FZD8: variants seen among roughly 807,000 people sequenced by gnomAD.
FZD8 encodes frizzled-8.
A neutral mutation model predicts 46.0 loss-of-function variants in FZD8; 18 were observed. That is an observed-to-expected ratio of 0.39 (90% CI 0.27 to 0.58). The LOEUF is 0.58. Ranked by LOEUF, FZD8 falls within the 20% of genes least tolerant of loss-of-function variation. The probability of loss-of-function intolerance (pLI) is 0.55; values close to 1 mark genes in which losing one functional copy is unlikely to be tolerated. For missense variants in FZD8, 785 were observed against 983.4 expected, an observed-to-expected ratio of 0.80 and a Z score of 2.70; for synonymous variants, 586 against 467.9, an observed-to-expected ratio of 1.25 and a Z score of -3.26.
rs1202785994 is a variant in FZD8 at position 35,639,479 on chromosome 10, CCCCGCCGCCGCCGCCCCCCGG to C, written c.1930_1950del (p.Pro644_Gly650del). On this transcript the variant is annotated inframe_deletion, in exon 1 of 1. Transcript: ENST00000374694. ...CCCGGCCCCCCGCCGCCGCCGGGTC[CCCCGCCGCCGCCGCCCCCCGG>C]CCCGCCGCCACCCCCCGCGGCCGTG... is the stretch of plus-strand genomic sequence containing the variant. 12 of 980,832 alleles carry C rather than the reference CCCCGCCGCCGCCGCCCCCCGG, an allele frequency of 1.2e-5. No individual in the cohort carries two copies. Among genetic ancestry groups the C allele is most frequent in the Middle Eastern group, 5.1e-4 (1 of 1,952 alleles). The allele number at this position is 980,832 out of a possible 1,614,324, so 60.8% of individuals were successfully genotyped here. A position where few individuals can be genotyped will look rare whatever the true frequency, so the allele number is the denominator to read the frequency against.
Position 35,639,314 on chromosome 10 carries a change from C to A in FZD8, c.*31G>T, listed in dbSNP as rs775182871. On this transcript the variant is annotated 3_prime_UTR_variant, in exon 1 of 1. Transcript: ENST00000374694. ...CACTTGGCTCTCCTCGCCCCCCTCC[C>A]CACCCCTCCTGGGCGCCCCCTCCCC... 3 of 987,876 alleles carry A rather than the reference C, an allele frequency of 3.0e-6. No individual in the cohort carries two copies. The highest frequency in any genetic ancestry group is 4.3e-6 in the Non-Finnish European group (3 of 702,254). The allele number at this position is 987,876 out of a possible 1,614,324, so 61.2% of individuals were successfully genotyped here.
At position 35,641,254 on chromosome 10, in the gene FZD8, T is replaced by C. The variant is rs2135501601; in HGVS notation, c.176A>G (p.His59Arg). The change falls in exon 1 of 1, where the codon CAC (histidine) becomes CGC (arginine). Residue 59 changes from histidine (H) to arginine (R), a missense_variant. His to Arg is a conservative substitution (Grantham distance 29). This residue lies in a region of FZD8 where 354 missense variants were observed against 433.2 expected (regional missense o/e 0.82). Transcript: ENST00000374694. This position sits in a 1 kb window ranked among gnomAD's most constrained non-coding sequence, Gnocchi z 6.3. ...CAGGCCCGCCTCGTCTTGCGTGTCG[T>C]GGTTGAACTGATTGGGCATGTAGGT... ...NYTYMPNQFN[H>R]DTQDEAGLEV... 6.2e-7 allele frequency: 1 copy of C among 1,613,978 alleles called. No individual in the cohort carries two copies. Among genetic ancestry groups the C allele is most frequent in the East Asian group, 2.2e-5 (1 of 44,814 alleles).
At position 35,641,135 on chromosome 10, in the gene FZD8, C is replaced by G. The variant is rs547818608; in HGVS notation, c.295G>C (p.Asp99His). 3 of 1,613,186 alleles carry G rather than the reference C, an allele frequency of 1.9e-6. No individual in the cohort carries two copies. The highest frequency in any genetic ancestry group is 2.5e-6 in the Non-Finnish European group (3 of 1,179,822). Reference sequence around the variant, plus strand: ...CAGGGCGGCAGCGGCTTCTTGTAGTCCTCTAGGCAGATGGGCGTGTACATG... The same window carrying G: ...CAGGGCGGCAGCGGCTTCTTGTAGTGCTCTAGGCAGATGGGCGTGTACATG... Reference protein sequence around the residue: ...CSMYTPICLEDYKKPLPPCRS... With the variant: ...CSMYTPICLEHYKKPLPPCRS... The change falls in exon 1 of 1, where the codon GAC becomes CAC. Residue 99 changes from aspartate (D) to histidine (H), a missense_variant. By Grantham distance (81) the Asp-to-His change is moderately conservative. Transcript: ENST00000374694. This position sits in a 1 kb window ranked among gnomAD's most constrained non-coding sequence, Gnocchi z 6.3.
At position 35,641,857 on chromosome 10, in the gene FZD8, G is replaced by A. The variant is rs1052739177; in HGVS notation, c.-428C>T. On this transcript the variant is annotated 5_prime_UTR_variant, in exon 1 of 1. Transcript: ENST00000374694. The surrounding 1 kb of genome is among the most constrained non-coding windows in gnomAD (Gnocchi z 6.3). ...GTGACTCCGCCGGACAGAGAGGGCG[G>A]AGGCGCCGCAAGTTTCCTCTGGGGC... 1 of 153,944 alleles carries A rather than the reference G, an allele frequency of 6.5e-6. No homozygotes were observed. The highest frequency in any genetic ancestry group is 2.0e-4 in the South Asian group (1 of 4,906). 9.5% of individuals were successfully genotyped at this position (153,944 alleles called of 1,614,324 possible). A position where few individuals can be genotyped will look rare whatever the true frequency, so the allele number is the denominator to read the frequency against.
rs908462825 is a variant in FZD8 at position 35,642,000 on chromosome 10, G to A, written c.-571C>T. 25 of 155,736 alleles carry A rather than the reference G, an allele frequency of 1.6e-4. No homozygotes were observed. Among genetic ancestry groups the A allele is most frequent in the Non-Finnish European group, 2.8e-4 (20 of 70,458 alleles). 9.6% of individuals were successfully genotyped at this position (155,736 alleles called of 1,614,324 possible). A position where few individuals can be genotyped will look rare whatever the true frequency, so the allele number is the denominator to read the frequency against. On this transcript the variant is annotated 5_prime_UTR_variant, in exon 1 of 1. Coordinates refer to ENST00000374694, the MANE Select transcript of FZD8 (RefSeq NM_031866.3). This position sits in a 1 kb window ranked among gnomAD's most constrained non-coding sequence, Gnocchi z 6.3. ...CCCCCAAGGCCAAGCCGCCGCCGCCGCCGCCGGAGTTGGGGACCCGCCTCG... is the reference window on the plus strand; with the variant it reads ...CCCCCAAGGCCAAGCCGCCGCCGCCACCGCCGGAGTTGGGGACCCGCCTCG...
chr10:35,640,290 G>A lies in FZD8; in HGVS notation c.1140C>T (p.Gly380=), dbSNP rs777084019. 6 of 1,575,682 alleles carry A rather than the reference G, an allele frequency of 3.8e-6. No individual in the cohort carries two copies. In the African/African-American group the frequency reaches 4.1e-5, roughly 11 times the overall value. The change falls in exon 1 of 1, where the codon GGC becomes GGT. Residue 380 remains glycine (G), a synonymous_variant. Coordinates refer to ENST00000374694, the MANE Select transcript of FZD8 (RefSeq NM_031866.3). ...CGTAGCGCACGTGCTGCTCCACCGC[G>A]CCCAGCTCCTCGTACTCGCCGCGCC... ...PGGRGEYEEL[G]AVEQHVRYET...
chr10:35,640,343 C>T lies in FZD8; in HGVS notation c.1087G>A (p.Ala363Thr). ...CCCGGGCCGCCCGCGCCCGCGCCCGCCGCGCCCGCGCCCGCCGCCGCGCCG... is the reference window on the plus strand; with the variant it reads ...CCCGGGCCGCCCGCGCCCGCGCCCGTCGCGCCCGCGCCCGCCGCCGCGCCG... ...AGGAAAGAGA[A>T]GAGAGGPGGR... The change falls in exon 1 of 1, where the codon GCG (alanine) becomes ACG (threonine). Residue 363 changes from alanine (A) to threonine (T), a missense_variant. Physicochemically the swap from Ala to Thr is moderately conservative, Grantham distance 58. Around this residue, in one of 5 missense-constraint regions of FZD8, gnomAD observed 88 missense variants for 83.6 expected, o/e 1.05. Coordinates refer to ENST00000374694, the MANE Select transcript of FZD8 (RefSeq NM_031866.3). 2 of 963,114 alleles carry T rather than the reference C, an allele frequency of 2.1e-6. No homozygotes were observed. The highest frequency in any genetic ancestry group is 2.5e-6 in the Non-Finnish European group (2 of 812,892). The allele number at this position is 963,114 out of a possible 1,614,324, so 59.7% of individuals were successfully genotyped here. A position where few individuals can be genotyped will look rare whatever the true frequency, so the allele number is the denominator to read the frequency against.
At position 35,640,914 on chromosome 10, in the gene FZD8, G is replaced by GGGC. The variant is rs751784998; in HGVS notation, c.513_515dup (p.Pro172dup). 1.5e-5 allele frequency: 19 copies of GGGC among 1,227,166 alleles called. No homozygotes were observed. Among genetic ancestry groups the GGGC allele is most frequent in the South Asian group, 1.1e-4 (3 of 28,140 alleles). 76.0% of individuals were successfully genotyped at this position (1,227,166 alleles called of 1,614,324 possible). On this transcript the variant is annotated inframe_insertion, in exon 1 of 1. Transcript: ENST00000374694. Reference sequence around the variant, plus strand: ...CGCTGCCCGAAGGCGGCTGCTCGCCGGGCGGCGGCGGCGGCAGGCGGCGCG... The same window carrying GGGC: ...CGCTGCCCGAAGGCGGCTGCTCGCCGGGCGGCGGCGGCGGCGGCAGGCGGCGCG...
In FZD8 at chr10:35,641,493, G is replaced by T. The variant is rs1359282145; in HGVS notation, c.-64C>A. The T allele has an allele frequency of 1.7e-5, 25 of 1,507,606 alleles. No homozygotes were observed. The highest frequency in any genetic ancestry group is 1.9e-5 in the Non-Finnish European group (22 of 1,134,706). 93.4% of individuals were successfully genotyped at this position (1,507,606 alleles called of 1,614,324 possible). ...GCGCGCAGAGGGGTGCCGGGGGGGG[G>T]GCCCACGAGAGAGCCGCAGACGGGT... On this transcript the variant is annotated 5_prime_UTR_variant, in exon 1 of 1. Transcript: ENST00000374694. This position sits in a 1 kb window ranked among gnomAD's most constrained non-coding sequence, Gnocchi z 6.3.
rs1169313488 is a variant in FZD8, at chr10:35,640,047, C to A, written c.1383G>T (p.Ser461=). The A allele has an allele frequency of 6.2e-7, 1 of 1,609,902 alleles. No homozygotes were observed. The highest frequency in any genetic ancestry group is 2.2e-5 in the East Asian group (1 of 44,724). The change falls in exon 1 of 1, where the codon TCG becomes TCT. Residue 461 remains serine (S), a synonymous_variant. Coordinates refer to ENST00000374694, the MANE Select transcript of FZD8 (RefSeq NM_031866.3). ...TGCCCGCCACCGGGTCGCCGTCCAC[C>A]GAGCTGAGCGCCAGCACCGCGATGG... is the stretch of plus-strand genomic sequence containing the variant. ...VKSIAVLALS[S]VDGDPVAGIC... is the part of the protein sequence containing the mutation.
chr10:35,641,439 C>A lies in FZD8; in HGVS notation c.-10G>T. 6.3e-7 allele frequency: 1 copy of A among 1,591,104 alleles called. No individual in the cohort carries two copies. Among genetic ancestry groups the A allele is most frequent in the African/African-American group, 1.3e-5 (1 of 74,252 alleles). On this transcript the variant is annotated 5_prime_UTR_variant, in exon 1 of 1. It adds an upstream start codon to the 5' untranslated region. Transcript: ENST00000374694. The surrounding 1 kb of genome is among the most constrained non-coding windows in gnomAD (Gnocchi z 6.3). ...GGTAACCCCACTCCATGCTGTGCGCCTCGGCCCGGTGCCCTCGCCCTCCAG... is the reference window on the plus strand; with the variant it reads ...GGTAACCCCACTCCATGCTGTGCGCATCGGCCCGGTGCCCTCGCCCTCCAG...
chr10:35,640,144 C>G lies in FZD8; in HGVS notation c.1286G>C (p.Trp429Ser). Residue 429 changes from tryptophan to serine, a missense_variant, in exon 1 of 1, where the codon TGG becomes TCG. By Grantham distance (177) the Trp-to-Ser change is radical. Transcript: ENST00000374694. ...LTWFLAAGMK[W>S]GNEAIAGYSQ... The stretch of plus-strand genomic sequence containing the variant: ...GTAGCCGGCGATGGCTTCGTTGCCC[C>G]ACTTCATACCGGCCGCCAGGAACCA... 1 of 1,613,306 alleles carries G rather than the reference C, an allele frequency of 6.2e-7. No individual in the cohort carries two copies. The highest frequency in any genetic ancestry group is 8.5e-7 in the Non-Finnish European group (1 of 1,179,890).
At position 35,641,488 on chromosome 10, in the gene FZD8, G is replaced by GC. The variant is rs1835861735; in HGVS notation, c.-60_-59insG. ...AGGCGGCGCGCAGAGGGGTGCCGGG[G>GC]GGGGGGCCCACGAGAGAGCCGCAGA... On this transcript the variant is annotated 5_prime_UTR_variant, in exon 1 of 1. Transcript: ENST00000374694. This position sits in a 1 kb window ranked among gnomAD's most constrained non-coding sequence, Gnocchi z 6.3. 16 of 1,513,842 alleles carry GC rather than the reference G, an allele frequency of 1.1e-5. No individual in the cohort carries two copies. The highest frequency in any genetic ancestry group is 3.8e-5 in the South Asian group (3 of 78,290). 93.8% of individuals were successfully genotyped at this position (1,513,842 alleles called of 1,614,324 possible). A position where few individuals can be genotyped will look rare whatever the true frequency, so the allele number is the denominator to read the frequency against.
rs151060225 is a variant in FZD8, at chr10:35,641,196, G to T, written c.234C>A (p.Ile78=). Residue 78 remains isoleucine (I), a synonymous_variant, in exon 1 of 1, where the codon ATC becomes ATA. Transcript: ENST00000374694. The surrounding 1 kb of genome is among the most constrained non-coding windows in gnomAD (Gnocchi z 6.3). ...EVHQFWPLVE[I]QCSPDLKFFL... ...AGAACTTGAGATCGGGCGAGCACTG[G>T]ATCTCCACCAGCGGCCAGAACTGGT... 2.5e-5 allele frequency: 40 copies of T among 1,614,010 alleles called. No individual in the cohort carries two copies. In the African/African-American group the frequency reaches 4.5e-4, roughly 18 times the overall value.
Position 35,640,869 on chromosome 10 carries a change from C to T in FZD8, c.561G>A (p.Gly187=). ...PSGSGHGRPP[G]ARPPHRGGGR... Reference sequence around the variant, plus strand: ...CGCCGCCGCGGTGCGGGGGCCTGGCCCCCGGCGGGCGGCCGTGGCCGCTGC... The same window carrying T: ...CGCCGCCGCGGTGCGGGGGCCTGGCTCCCGGCGGGCGGCCGTGGCCGCTGC... The change falls in exon 1 of 1, where the codon GGG becomes GGA. Residue 187 remains glycine, a synonymous_variant. Coordinates refer to ENST00000374694, the MANE Select transcript of FZD8 (RefSeq NM_031866.3). The T allele has an allele frequency of 1.0e-6, 1 of 979,246 alleles. No homozygotes were observed. Among genetic ancestry groups the T allele is most frequent in the Non-Finnish European group, 1.2e-6 (1 of 827,114 alleles). The allele number at this position is 979,246 out of a possible 1,614,324, so 60.7% of individuals were successfully genotyped here. A position where few individuals can be genotyped will look rare whatever the true frequency, so the allele number is the denominator to read the frequency against.
rs111812311 is a variant in FZD8, at chr10:35,641,682, C to A, written c.-253G>T. The A allele has an allele frequency of 6.4e-6, 3 of 468,598 alleles. No individual in the cohort carries two copies. The highest frequency in any genetic ancestry group is 3.7e-5 in the Admixed American group (1 of 26,832). 29.0% of individuals were successfully genotyped at this position (468,598 alleles called of 1,614,324 possible). A position where few individuals can be genotyped will look rare whatever the true frequency, so the allele number is the denominator to read the frequency against. ...CCGGGGGTTTGAAGGCGGCTGCAGG[C>A]GCGCGCCACAGTCCGTAGGTCCGCT... On this transcript the variant is annotated 5_prime_UTR_variant, in exon 1 of 1. Transcript: ENST00000374694. This position sits in a 1 kb window ranked among gnomAD's most constrained non-coding sequence, Gnocchi z 6.3.
chr10:35,640,779 C>A lies in FZD8; in HGVS notation c.651G>T (p.Lys217Asn). The change falls in exon 1 of 1, where the codon AAG becomes AAT. Residue 217 changes from lysine to asparagine, a missense_variant. Lys to Asn is a moderately conservative substitution (Grantham distance 94, BLOSUM62 0). This residue lies in a region of FZD8 where 354 missense variants were observed against 433.2 expected (regional missense o/e 0.82). Coordinates refer to ENST00000374694, the MANE Select transcript of FZD8 (RefSeq NM_031866.3). ...CCGCGCCGCCGCCAGGGGGCCGCGC[C>A]TTCCCGCCACCGCCGCCGCCGCGAG... ...PPARGGGGGG[K>N]ARPPGGGAAP... is the part of the protein sequence containing the mutation. 2 of 1,169,504 alleles carry A rather than the reference C, an allele frequency of 1.7e-6. No homozygotes were observed. The highest frequency in any genetic ancestry group is 2.1e-6 in the Non-Finnish European group (2 of 947,828). 72.4% of individuals were successfully genotyped at this position (1,169,504 alleles called of 1,614,324 possible). A position where few individuals can be genotyped will look rare whatever the true frequency, so the allele number is the denominator to read the frequency against.
chr10:35,640,752 AGCCGCGCCGCCGCCAGGGG>A lies in FZD8; in HGVS notation c.659_677del (p.Pro220LeufsTer14). 7.6e-7 allele frequency: 1 copy of A among 1,310,388 alleles called. No individual in the cohort carries two copies. The highest frequency in any genetic ancestry group is 9.8e-7 in the Non-Finnish European group (1 of 1,022,482). 81.2% of individuals were successfully genotyped at this position (1,310,388 alleles called of 1,614,324 possible). A position where few individuals can be genotyped will look rare whatever the true frequency, so the allele number is the denominator to read the frequency against. On this transcript the variant is annotated frameshift_variant, in exon 1 of 1. Transcript: ENST00000374694. LOFTEE classifies it high-confidence loss of function. ...GGCACTGGCACCCGGGCTCGCAGGG[AGCCGCGCCGCCGCCAGGGG>A]GCCGCGCCTTCCCGCCACCGCCGCC...
chr10:35,641,570 C>A lies in FZD8; in HGVS notation c.-141G>T. ...ATGCTTCGCCCGGGAGGGGGGTCTG[C>A]CGATAATCTAACCCCTTCTAGGGGC... On this transcript the variant is annotated 5_prime_UTR_variant, in exon 1 of 1. Transcript: ENST00000374694. This position sits in a 1 kb window ranked among gnomAD's most constrained non-coding sequence, Gnocchi z 6.3. 1 of 1,141,100 alleles carries A rather than the reference C, an allele frequency of 8.8e-7. No individual in the cohort carries two copies. Among genetic ancestry groups the A allele is most frequent in the Admixed American group, 2.9e-5 (1 of 34,564 alleles). The allele number at this position is 1,141,100 out of a possible 1,614,324, so 70.7% of individuals were successfully genotyped here.
Sources: allele counts gnomAD v4.1 joint callset, GRCh38; gene constraint gnomAD v4.1.1; regional missense constraint gnomAD v4.1.1; non-coding constraint Gnocchi (gnomAD v3.1); transcripts MANE v1.5; gene names NCBI Gene and HGNC (gene_info 2026-07-23, HGNC 2026-07-21).